Variants in CASP2 observed in about 807,000 individuals in gnomAD.
CASP2 encodes the protein caspase-2.
CASP2 carries 38 observed loss-of-function variants against 54.4 expected under a neutral mutation model. The ratio of observed to expected loss-of-function variants is 0.70; its 90% confidence interval spans 0.54 to 0.92. The LOEUF (loss-of-function observed/expected upper bound fraction) is 0.92, where lower values mean the gene tolerates loss of function less well. CASP2 is among the 40% of genes least tolerant of loss of function. The pLI, the probability that CASP2 is intolerant of heterozygous loss-of-function variation, is 0.00. For synonymous variants in CASP2, 215 were observed against 216.3 expected (o/e 0.99, Z 0.05); for missense variants, 512 against 579.6 (o/e 0.88, Z 1.20).
rs1347167510 is a variant in CASP2, at chr7:143,307,452, T to C, written c.*2381T>C. On this transcript the variant is annotated 3_prime_UTR_variant, in exon 11 of 11. Coordinates refer to ENST00000310447, the MANE Select transcript of CASP2 (RefSeq NM_032982.4). The stretch of plus-strand genomic sequence containing the variant: ...TTATCCACTGGCATTTTTAGCTCCT[T>C]GAAGACATATCATGTGTGAGATAAC... The C allele has an allele frequency of 6.6e-6, 1 of 152,232 alleles. No homozygotes were observed. Among genetic ancestry groups the C allele is most frequent in the African/African-American group, 2.4e-5 (1 of 41,460 alleles). The allele number at this position is 152,232 out of a possible 1,614,324, so 9.4% of individuals were successfully genotyped here. A position where few individuals can be genotyped will look rare whatever the true frequency, so the allele number is the denominator to read the frequency against.
chr7:143,297,223 T>A (rs1801782704), intron 6 of CASP2, among the ~76,000 whole-genome samples: 1 of 152,252 alleles, frequency 6.6e-6, no homozygotes, highest in African/African-American at 2.4e-5. Context: ...ATAGAAGTAC[T>A]GTAATTTTAT....
At chr7:143,304,543 C>T (rs1330439286) in intron 9 of CASP2, 131 bp from the exon 10 acceptor site, 8 of 764,116 alleles carry the variant, frequency 1.0e-5, no homozygotes, top group Admixed American at 3.5e-5. Context: ...AAAAGAGTAC[C>T]CTCCTAGACT....
intron 6 of CASP2, among the ~76,000 whole-genome samples, chr7:143,299,683 C>T (rs748972340): frequency 1.2e-4 from 18 of 152,234 alleles, no homozygotes; most frequent in Middle Eastern, 3.4e-3. Flanking sequence ...GAGCTGTTTG[C>T]CTATCTCAGT....
At chr7:143,297,188 T>G (rs1007723129) in intron 6 of CASP2, among the ~76,000 whole-genome samples, 3 of 152,234 alleles carry the variant, frequency 2.0e-5, no homozygotes, top group Non-Finnish European at 2.9e-5. Context: ...AAAAATACAC[T>G]TAGGAGTTAA....
At chr7:143,291,244 A>G (rs1304953509) in intron 1 of CASP2, among the ~76,000 whole-genome samples, 1 of 152,196 alleles carries the variant, frequency 6.6e-6, no homozygotes, top group East Asian at 1.9e-4. Flanking sequence ...CTTCTCATAA[A>G]TATGTGTACT....
chr7:143,303,814 A>G lies in CASP2; in HGVS notation c.998A>G (p.Asp333Gly). The G allele has an allele frequency of 6.2e-7, 1 of 1,613,974 alleles. No individual in the cohort carries two copies. The highest frequency in any genetic ancestry group is 8.5e-7 in the Non-Finnish European group (1 of 1,179,936). ...DETDRGVDQQ[D>G]GKNHAGSPGC... is the part of the protein sequence containing the mutation. ...ACTGATCGTGGGGTTGACCAACAAG[A>G]TGGAAAGAACCACGCAGGATCCCCT... is the stretch of plus-strand genomic sequence containing the variant. The change falls in exon 9 of 11, where the codon GAT (aspartate) becomes GGT (glycine). Residue 333 changes from aspartate to glycine, a missense_variant. Physicochemically the swap from Asp to Gly is moderately conservative, Grantham distance 94. Coordinates refer to ENST00000310447, the MANE Select transcript of CASP2 (RefSeq NM_032982.4).
chr7:143,300,881 T>A, intron 8 of CASP2: 1 of 1,097,984 alleles, frequency 9.1e-7, no homozygotes. Context: ...TCTGTTTTAC[T>A]CCTTTAAGAG....
At chr7:143,302,734 G>C (rs1801950798) in intron 8 of CASP2, 1 of 152,066 alleles carries the variant, frequency 6.6e-6, no homozygotes, top group Non-Finnish European at 1.5e-5. Flanking sequence ...TTGATGTGTT[G>C]ACCTGAGAGT....
intron 4 of CASP2, 28 bp downstream of exon 4, chr7:143,292,726 C>T (rs1801613519): frequency 6.3e-7 from 1 of 1,579,468 alleles, no homozygotes; most frequent in Non-Finnish European, 8.7e-7. Context: ...AAAAGGGGTC[C>T]CAGGCCAGGT....
chr7:143,289,867 C>T (rs1801502002), intron 1 of CASP2, among the ~76,000 whole-genome samples: 1 of 152,004 alleles, frequency 6.6e-6, no homozygotes, highest in Non-Finnish European at 1.5e-5. Flanking sequence ...GATTCATTGG[C>T]TGCTTCCAAC....
chr7:143,298,427 G>A (rs1176005614), intron 6 of CASP2: 1 of 152,104 alleles, frequency 6.6e-6, no homozygotes, highest in East Asian at 1.9e-4. Flanking sequence ...TGCTCTTTAG[G>A]TACACAGTAT....
At position 143,305,068 on chromosome 7, in the gene CASP2, A is replaced by C. The variant is rs569396510; in HGVS notation, c.1356A>C (p.Thr452=). ...ACCTGTTCCCAGGACACCCTCCCACATGATGTCACCTCCCCATCATCCACG... is the reference window on the plus strand; with the variant it reads ...ACCTGTTCCCAGGACACCCTCCCACCTGATGTCACCTCCCCATCATCCACG... The part of the protein sequence containing the change: ...HLYLFPGHPP[T] Residue 452 remains threonine, a synonymous_variant, in exon 11 of 11, where the codon ACA becomes ACC. Coordinates refer to ENST00000310447, the MANE Select transcript of CASP2 (RefSeq NM_032982.4). 1 of 1,614,172 alleles carries C rather than the reference A, an allele frequency of 6.2e-7. No individual in the cohort carries two copies.
chr7:143,298,566 GCAAGAAGATTC>G (rs1404689021), intron 6 of CASP2: 2 of 152,248 alleles, frequency 1.3e-5, no homozygotes, highest in Non-Finnish European at 2.9e-5. Context: ...AGAGGCTGAG[GCAAGAAGATTC>G]CTTGAGCCCA....
In CASP2 at chr7:143,304,771, C is replaced by T; in HGVS notation, c.1215C>T (p.Asp405=). The T allele has an allele frequency of 3.7e-6, 6 of 1,614,064 alleles. No homozygotes were observed. Among genetic ancestry groups the T allele is most frequent in the Non-Finnish European group, 5.1e-6 (6 of 1,179,896 alleles). ...SERACDMHVA[D]MLVKVNALIK... ...GGGCTTGTGATATGCACGTGGCCGACATGCTGGTTAAGGTGAGCCAGCGGG... is the reference window on the plus strand; with the variant it reads ...GGGCTTGTGATATGCACGTGGCCGATATGCTGGTTAAGGTGAGCCAGCGGG... The change falls in exon 10 of 11, where the codon GAC becomes GAT. Residue 405 remains aspartate (D), a synonymous_variant. Transcript: ENST00000310447.
chr7:143,294,646 A>G lies in CASP2; in HGVS notation c.620A>G (p.Asn207Ser). ...RPRGLALVLSNVHFTGEKELE... is the reference protein window; with the variant it reads ...RPRGLALVLSSVHFTGEKELE... Reference sequence around the variant, plus strand: ...CGTGGCCTAGCACTGGTGTTGAGCAATGTGCACTTCACTGGAGAGAAAGAA... The same window carrying G: ...CGTGGCCTAGCACTGGTGTTGAGCAGTGTGCACTTCACTGGAGAGAAAGAA... The change falls in exon 6 of 11, where the codon AAT (asparagine) becomes AGT (serine). Residue 207 changes from asparagine to serine, a missense_variant. Asn to Ser is a conservative substitution (Grantham distance 46). Around this residue, in one of 3 missense-constraint regions of CASP2, gnomAD observed 417 missense variants for 495.4 expected, o/e 0.84. Coordinates refer to ENST00000310447, the MANE Select transcript of CASP2 (RefSeq NM_032982.4). 3 of 1,614,202 alleles carry G rather than the reference A, an allele frequency of 1.9e-6. No homozygotes were observed. The highest frequency in any genetic ancestry group is 2.5e-6 in the Non-Finnish European group (3 of 1,180,020).
chr7:143,303,599 G>T, intron 8 of CASP2, 185 bp from the exon 9 acceptor site: 1 of 544,844 alleles, frequency 1.8e-6, no homozygotes, highest in Non-Finnish European at 3.3e-6. Flanking sequence ...CTGAGTAACA[G>T]ATGCATGCTG....
chr7:143,299,345 C>A (rs138626665), intron 6 of CASP2, among the ~76,000 whole-genome samples: 147 of 152,258 alleles, frequency 9.7e-4, no homozygotes, highest in Non-Finnish European at 1.8e-3. Flanking sequence ...TATGTAATTA[C>A]TGCCCTGTAC....
In CASP2 at chr7:143,300,100, C is replaced by T. The variant is rs1217271313; in HGVS notation, c.876+49C>T. On this transcript the variant is annotated intron_variant, in intron 7 of 10. Transcript: ENST00000310447. ...AACTGTTGAAACCAGGCTGCTTTAC[C>T]TCCTGCCTGCTGTCTGTCAAGTGAT... 3 of 1,613,710 alleles carry T rather than the reference C, an allele frequency of 1.9e-6. No homozygotes were observed. In the African/African-American group the frequency reaches 4.0e-5, roughly 22 times the overall value.
chr7:143,300,750 GCCTC>G, intron 8 of CASP2: 1 of 1,188,070 alleles, frequency 8.4e-7, no homozygotes, highest in Non-Finnish European at 1.1e-6. Flanking sequence ...TTCCATGCTT[GCCTC>G]CTTTCTTCTT....
Sources: gnomAD v4.1 joint callset for allele counts (sites outside exome capture counted in the v4.1 genomes callset) on GRCh38, gnomAD v4.1.1 for gene constraint, gnomAD v4.1.1 regional missense constraint, MANE v1.5 for transcripts, NCBI Gene and HGNC (gene_info 2026-07-23, HGNC 2026-07-21) for gene names.